MCC: variants seen among roughly 807,000 people sequenced by gnomAD.
The protein encoded by MCC is MCC regulator of Wnt signaling pathway, also known as colorectal mutant cancer protein.
In MCC, 90 loss-of-function variants were observed where a neutral mutation model predicts 116.2. The observed-to-expected ratio is 0.77, with a 90% CI of 0.65 to 0.92. The LOEUF (loss-of-function observed/expected upper bound fraction) is 0.92. Ranked by LOEUF, MCC falls within the 40% of genes least tolerant of loss-of-function variation. MCC has a pLI of 0.00. For synonymous variants in MCC, 578 were observed against 510.5 expected, an observed-to-expected ratio of 1.13 and a Z score of -1.78; for missense variants, 1,516 against 1,312.2, an observed-to-expected ratio of 1.16 and a Z score of -2.40.
At chr5:113,287,494 CTT>C (rs541401947) in intron 3 of MCC, among the ~76,000 whole-genome samples, 62 of 152,086 alleles carry the variant, frequency 4.1e-4, no homozygotes, top group African/African-American at 1.2e-3. Flanking sequence ...GCCCGGCTAA[CTT>C]TTGTATTTTT....
chr5:113,275,975 T>G (rs544579071), intron 3 of MCC, among the ~76,000 whole-genome samples: 6,173 of 150,206 alleles, frequency 0.041, 435 homozygotes, highest in African/African-American at 0.14. Context: ...GTTTTGTTTT[T>G]TTTTTTTTTT....
intron 3 of MCC, among the ~76,000 whole-genome samples, chr5:113,250,204 T>A (rs1357753304): frequency 6.6e-6 from 1 of 152,186 alleles, no homozygotes; most frequent in Non-Finnish European, 1.5e-5. Flanking sequence ...TCTGTCATTA[T>A]CTCAGGGAAG....
chr5:113,053,463 G>C (rs1234907371), intron 15 of MCC, among the ~76,000 whole-genome samples: 2 of 152,164 alleles, frequency 1.3e-5, no homozygotes, highest in Non-Finnish European at 2.9e-5. Flanking sequence ...GGTCTGACCT[G>C]GCTTCTCTTA....
intron 6 of MCC, among the ~76,000 whole-genome samples, chr5:113,121,428 TG>T (rs2150269524): frequency 6.6e-6 from 1 of 152,314 alleles, no homozygotes; most frequent in Non-Finnish European, 1.5e-5. Context: ...CTCACACCTC[TG>T]TGTCCTCCAT....
intron 3 of MCC, among the ~76,000 whole-genome samples, chr5:113,179,632 T>C (rs1761509798): frequency 1.3e-5 from 2 of 152,220 alleles, no homozygotes; most frequent in South Asian, 4.1e-4. Flanking sequence ...TATCTTCTCA[T>C]TTACCAATTA....
intron 1 of MCC, among the ~76,000 whole-genome samples, chr5:113,483,993 T>C (rs1772447824): frequency 6.6e-6 from 1 of 152,024 alleles, no homozygotes; most frequent in African/African-American, 2.4e-5. Context: ...AGCTAAATGG[T>C]GAGAACACAT....
intron 3 of MCC, among the ~76,000 whole-genome samples, chr5:113,197,479 G>T (rs2150316826): frequency 6.6e-6 from 1 of 152,174 alleles, no homozygotes; most frequent in East Asian, 1.9e-4. Context: ...ATTTGAAGAG[G>T]GTGAATTGTA....
intron 3 of MCC, among the ~76,000 whole-genome samples, chr5:113,296,289 C>T (rs1457407473): frequency 6.6e-6 from 1 of 152,124 alleles, no homozygotes. Flanking sequence ...AGCACTGCCC[C>T]TGCCCTGAAG....
intron 2 of MCC, among the ~76,000 whole-genome samples, chr5:113,369,784 G>A (rs1768794752): frequency 6.6e-6 from 1 of 152,114 alleles, no homozygotes; most frequent in Non-Finnish European, 1.5e-5. Context: ...AGACAAAAGT[G>A]AAACAGACAA....
chr5:113,123,201 C>T (rs762771680), intron 5 of MCC, among the ~76,000 whole-genome samples: 15 of 152,210 alleles, frequency 9.9e-5, no homozygotes, highest in Non-Finnish European at 1.5e-4. Context: ...AAGAGTCTAG[C>T]GCACAGCAAC....
intron 1 of MCC, among the ~76,000 whole-genome samples, chr5:113,405,422 C>G (rs1769799844): frequency 6.6e-6 from 1 of 152,168 alleles, no homozygotes; most frequent in South Asian, 2.1e-4. Context: ...TCTTTTCACT[C>G]TCCAAATTTT....
chr5:113,379,380 CCT>C (rs931405731), intron 2 of MCC, among the ~76,000 whole-genome samples: 8 of 152,222 alleles, frequency 5.3e-5, no homozygotes, highest in African/African-American at 1.9e-4. Context: ...ATACTGAAAA[CCT>C]GTGATATTTT....
chr5:113,376,574 T>TATACACACACACACACAC (rs10633405), intron 2 of MCC, among the ~76,000 whole-genome samples: 129 of 145,886 alleles, frequency 8.8e-4, no homozygotes, highest in African/African-American at 3.1e-3. Context: ...CCATATTTTA[T>TATACACACACACACACAC]ACACACACAC....
At chr5:113,470,096 C>T (rs546239805) in intron 1 of MCC, among the ~76,000 whole-genome samples, 2 of 152,036 alleles carry the variant, frequency 1.3e-5, no homozygotes, top group East Asian at 1.9e-4. Flanking sequence ...AGATGGGTTT[C>T]CTGAATACAG....
At chr5:113,041,756 A>G (rs979745336) in intron 17 of MCC, among the ~76,000 whole-genome samples, 1 of 152,234 alleles carries the variant, frequency 6.6e-6, no homozygotes, top group Non-Finnish European at 1.5e-5. Context: ...GCACACTGTG[A>G]GGCCAAGGCG....
chr5:113,231,066 C>T (rs901290992), intron 3 of MCC, among the ~76,000 whole-genome samples: 4 of 151,582 alleles, frequency 2.6e-5, no homozygotes, highest in African/African-American at 7.3e-5. Context: ...AAATCCTCTT[C>T]TCCAAAACTC....
chr5:113,357,569 A>G (rs1292504165), intron 2 of MCC, among the ~76,000 whole-genome samples: 3 of 152,184 alleles, frequency 2.0e-5, no homozygotes, highest in Admixed American at 1.3e-4. Flanking sequence ...CAGTCTCCCA[A>G]TAGACAGAAA....
intron 3 of MCC, among the ~76,000 whole-genome samples, chr5:113,333,836 T>TACATATATACATATATGTAC (rs372077130): frequency 6.2e-4 from 37 of 59,284 alleles, no homozygotes; most frequent in African/African-American, 1.7e-3. Flanking sequence ...TGTATATATG[T>TACATATATACATATATGTAC]ATATATGTAT....
intron 6 of MCC, 143 bp downstream of exon 6, chr5:113,122,541 G>T: frequency 1.2e-6 from 1 of 836,014 alleles, no homozygotes; most frequent in Non-Finnish European, 1.9e-6. Context: ...TAATGTGTAA[G>T]GGACTGAAAT....
Sources: gnomAD v4.1 joint callset for allele counts (sites outside exome capture counted in the v4.1 genomes callset) on GRCh38, gnomAD v4.1.1 for gene constraint, MANE v1.5 for transcripts, NCBI Gene and HGNC (gene_info 2026-07-23, HGNC 2026-07-21) for gene names.